NEK4: variants seen among roughly 807,000 people sequenced by gnomAD.
NEK4 encodes the protein serine/threonine-protein kinase Nek4.
NEK4 carries 86 observed loss-of-function variants against 98.4 expected under a neutral mutation model. That is an observed-to-expected ratio of 0.87 (90% CI 0.73 to 1.05). The LOEUF is 1.05. Ranked by LOEUF, NEK4 falls within the 50% of genes least tolerant of loss-of-function variation. The pLI is 0.00. For synonymous variants in NEK4, 328 were observed against 342.2 expected (o/e 0.96, Z 0.46); for missense variants, 898 against 950.3 (o/e 0.94, Z 0.72).
At chr3:52,734,806 G>T in intron 15 of NEK4, 1 of 292,020 alleles carries the variant, frequency 3.4e-6, no homozygotes, top group Non-Finnish European at 6.7e-6. Context: ...TTGATGATCT[G>T]ACTGGGGAGC....
chr3:52,770,168 GAGA>G (rs1412190850), intron 1 of NEK4, among the ~76,000 whole-genome samples: 19 of 152,244 alleles, frequency 1.2e-4, no homozygotes, highest in Non-Finnish European at 1.5e-5. Context: ...GAAGACATGA[GAGA>G]AGGTTTGGCG....
chr3:52,739,439 C>T lies in NEK4; in HGVS notation c.2289G>A (p.Glu763=). 1 of 1,613,722 alleles carries T rather than the reference C, an allele frequency of 6.2e-7. No homozygotes were observed. The highest frequency in any genetic ancestry group is 8.5e-7 in the Non-Finnish European group (1 of 1,179,632). The part of the protein sequence containing the change: ...AEEAEEIHFK[E]LPSAIMPGSE... Reference sequence around the variant, plus strand: ...TAATAAGCTGATCACCTGAAGGTAGCTCTTTAAAATGGATTTCCTCTGCCT... The same window carrying T: ...TAATAAGCTGATCACCTGAAGGTAGTTCTTTAAAATGGATTTCCTCTGCCT... Residue 763 remains glutamate, a synonymous_variant, in exon 14 of 16, where the codon GAG becomes GAA. Transcript: ENST00000233027.
At position 52,746,750 on chromosome 3, in the gene NEK4, C is replaced by A. The variant is rs142826971; in HGVS notation, c.1661G>T (p.Arg554Leu). ...ATGACTTACAGCAAAGAGATCTCTG[C>A]GGACCTGTCTCTTTTCCCCTCTGTG... ...TEHRGEKRQV[R>L]RDLFAFQESP... Residue 554 changes from arginine (R) to leucine (L), a missense_variant, in exon 9 of 16, where the codon CGC (arginine) becomes CTC (leucine). By Grantham distance (102) the Arg-to-Leu change is moderately radical. Coordinates refer to ENST00000233027, the MANE Select transcript of NEK4 (RefSeq NM_003157.6). 1 of 1,613,234 alleles carries A rather than the reference C, an allele frequency of 6.2e-7. No homozygotes were observed. Among genetic ancestry groups the A allele is most frequent in the South Asian group, 1.1e-5 (1 of 90,872 alleles).
At position 52,746,232 on chromosome 3, in the gene NEK4, A is replaced by G. The variant is rs773067466; in HGVS notation, c.1678-22T>C. Reference sequence around the variant, plus strand: ...GGAACTTAAATAATTAAAAAAGAAGATTATCAGTTTCATATATAGCCCCTT... The same window carrying G: ...GGAACTTAAATAATTAAAAAAGAAGGTTATCAGTTTCATATATAGCCCCTT... On this transcript the variant is annotated intron_variant, in intron 9 of 15. Coordinates refer to ENST00000233027, the MANE Select transcript of NEK4 (RefSeq NM_003157.6). 2.5e-6 allele frequency: 4 copies of G among 1,611,096 alleles called. No individual in the cohort carries two copies. The African/African-American group carries it at 4.0e-5, about 16-fold the overall frequency.
At position 52,760,820 on chromosome 3, in the gene NEK4, G is replaced by C; in HGVS notation, c.938C>G (p.Ser313Cys). 6.2e-7 allele frequency: 1 copy of C among 1,610,236 alleles called. No individual in the cohort carries two copies. Among genetic ancestry groups the C allele is most frequent in the Non-Finnish European group, 8.5e-7 (1 of 1,177,644 alleles). The stretch of plus-strand genomic sequence containing the variant: ...CATTATATATGTCTGGGAGCCCTCA[G>C]AAGAGAGTGGTTGGGGGTGGATTAC... ...HEVIHPQPLSSEGSQTYIMGE... is the reference protein window; with the variant it reads ...HEVIHPQPLSCEGSQTYIMGE... Residue 313 changes from serine to cysteine, a missense_variant, in exon 6 of 16, where the codon TCT becomes TGT. Physicochemically the swap from Ser to Cys is moderately radical, Grantham distance 112. Transcript: ENST00000233027.
chr3:52,758,719 C>G (rs560107312), intron 6 of NEK4, among the ~76,000 whole-genome samples: 29 of 152,036 alleles, frequency 1.9e-4, no homozygotes, highest in Admixed American at 7.2e-4. Context: ...AAAATACTTG[C>G]AAGTTGTCTA....
rs2097390237 is a variant in NEK4, at chr3:52,743,477, T to A, written c.1895-16A>T. 1 of 1,594,880 alleles carries A rather than the reference T, an allele frequency of 6.3e-7. No homozygotes were observed. Among genetic ancestry groups the A allele is most frequent in the Non-Finnish European group, 8.6e-7 (1 of 1,162,642 alleles). On this transcript the variant is annotated splice_polypyrimidine_tract_variant and intron_variant, in intron 11 of 15. Coordinates refer to ENST00000233027, the MANE Select transcript of NEK4 (RefSeq NM_003157.6). ...ACTGAAGGGCCTGAAAAGGCAAACA[T>A]CCCCAGTAGTTGTTTGTGGTGGGCT... is the stretch of plus-strand genomic sequence containing the variant.
chr3:52,737,749 A>C, intron 14 of NEK4, 30 bp from the exon 15 acceptor site: 1 of 1,570,594 alleles, frequency 6.4e-7, no homozygotes, highest in Non-Finnish European at 8.7e-7. Flanking sequence ...ACAAAGGGAA[A>C]AATAAACACT....
intron 11 of NEK4, 79 bp from the exon 12 acceptor site, chr3:52,743,540 A>G (rs2097390433): frequency 9.2e-7 from 1 of 1,081,788 alleles, no homozygotes; most frequent in Non-Finnish European, 1.4e-6. Flanking sequence ...GGTATGGAAC[A>G]TACCCCAGCA....
chr3:52,748,938 T>C (rs2097400641), intron 8 of NEK4, among the ~76,000 whole-genome samples: 1 of 151,744 alleles, frequency 6.6e-6, no homozygotes, highest in Non-Finnish European at 1.5e-5. Context: ...ATAGAAAAAA[T>C]TAGCCAGGCG....
chr3:52,744,379 C>A, intron 10 of NEK4, 74 bp from the exon 11 acceptor site: 2 of 1,135,822 alleles, frequency 1.8e-6, no homozygotes, highest in Non-Finnish European at 2.7e-6. Context: ...CATGATGTAT[C>A]ATTCAGCATT....
intron 11 of NEK4, among the ~76,000 whole-genome samples, chr3:52,744,004 G>T (rs2097391155): frequency 6.6e-6 from 1 of 152,116 alleles, no homozygotes; most frequent in African/African-American, 2.4e-5. Context: ...GCCACTCAAA[G>T]CCCTCTTGTT....
intron 10 of NEK4, 22 bp downstream of exon 10, chr3:52,746,039 T>A: frequency 6.2e-7 from 1 of 1,609,634 alleles, no homozygotes. Context: ...TTTTTAAAAA[T>A]CCAGCATATG....
At chr3:52,762,436 A>G (rs1180075776) in intron 5 of NEK4, among the ~76,000 whole-genome samples, 1 of 152,106 alleles carries the variant, frequency 6.6e-6, no homozygotes, top group Non-Finnish European at 1.5e-5. Flanking sequence ...AGAGTAGTGC[A>G]TATGTCCTTT....
intron 8 of NEK4, among the ~76,000 whole-genome samples, chr3:52,748,513 A>C (rs1455502328): frequency 6.6e-6 from 1 of 152,168 alleles, no homozygotes; most frequent in Non-Finnish European, 1.5e-5. Context: ...TAGGTTTTCC[A>C]TTCTGAAAAT....
Position 52,752,900 on chromosome 3 carries a change from C to CAAAAAAAAAAAAAA in NEK4, c.964-578_964-565dup, listed in dbSNP as rs71087016. ...GGGCAACAGGAGTGAAACCCTGCCTCAAAAAAAAAAAAAAAAAATATATAT... is the reference window on the plus strand; with the variant it reads ...GGGCAACAGGAGTGAAACCCTGCCTCAAAAAAAAAAAAAAAAAAAAAAAAAAAAAAAATATATAT... On this transcript the variant is annotated intron_variant, in intron 6 of 15. Coordinates refer to ENST00000233027, the MANE Select transcript of NEK4 (RefSeq NM_003157.6). Among the ~76,000 whole-genome samples the CAAAAAAAAAAAAAA allele has an allele frequency of 3.8e-3, 188 of 49,548 alleles. 12 individuals carry two copies. The highest frequency in any genetic ancestry group is 0.015 in the Middle Eastern group (1 of 66). 32.5% of individuals were successfully genotyped at this position (49,548 alleles called of 152,430 possible).
chr3:52,711,932 T>TA, intron 15 of NEK4, 63 bp from the exon 16 acceptor site: 1 of 890,458 alleles, frequency 1.1e-6, no homozygotes, highest in Non-Finnish European at 1.8e-6. Flanking sequence ...TCTGTAATCT[T>TA]AGAGGAAGGG....
intron 12 of NEK4, 33 bp from the exon 13 acceptor site, chr3:52,741,532 A>G (rs758859568): frequency 2.3e-6 from 3 of 1,332,608 alleles, no homozygotes; most frequent in Non-Finnish European, 3.2e-6. Flanking sequence ...AAAATTCTAC[A>G]TGACAACACA....
At chr3:52,765,824 A>G in intron 4 of NEK4, 63 bp downstream of exon 4, 1 of 952,490 alleles carries the variant, frequency 1.0e-6, no homozygotes, top group Non-Finnish European at 1.7e-6. Context: ...TGATTTTGCT[A>G]GTAGCTATTT....
Sources: allele counts gnomAD v4.1 joint callset (sites outside exome capture counted in the v4.1 genomes callset), GRCh38; gene constraint gnomAD v4.1.1; transcripts MANE v1.5; gene names NCBI Gene and HGNC (gene_info 2026-07-23, HGNC 2026-07-21).